Variants in GSE1 observed in about 807,000 individuals in gnomAD.
GSE1 encodes the protein Gse1 coiled-coil protein.
GSE1 carries 32 observed loss-of-function variants against 112.6 expected under a neutral mutation model. The ratio of observed to expected loss-of-function variants is 0.28; its 90% CI spans 0.21 to 0.38. The LOEUF is 0.38. GSE1 is among the 10% of genes least tolerant of loss of function. GSE1 has a pLI of 1.00. For missense variants in GSE1, 2,348 were observed against 1,699.2 expected (o/e 1.38, Z -6.71); for synonymous variants, 1,115 against 735.6 (o/e 1.52, Z -8.35).
chr16:85,384,472 C>G (rs193131968), intron 2 of GSE1, among the ~76,000 whole-genome samples: 3 of 152,340 alleles, frequency 2.0e-5, no homozygotes, highest in Admixed American at 6.5e-5. Context: ...AGCCCCAATC[C>G]CAGACCTTGC....
chr16:85,319,930 A>G (rs2046066736), intron 1 of GSE1, among the ~76,000 whole-genome samples: 1 of 152,208 alleles, frequency 6.6e-6, no homozygotes, highest in Admixed American at 6.5e-5. Context: ...GTCCATGGGT[A>G]AGCTTTCCCT....
At position 85,390,693 on chromosome 16, in the gene GSE1, C is replaced by T. The variant is rs1313438693; in HGVS notation, c.2464+33050C>T. On this transcript the variant is annotated intron_variant, in intron 2 of 2. Transcript: ENST00000637419. Reference sequence around the variant, plus strand: ...TACCCCCGCCTTGTCCCCCCCACCGCCTTGTTCTGCCCCCCCCACCCCTCC... The same window carrying T: ...TACCCCCGCCTTGTCCCCCCCACCGTCTTGTTCTGCCCCCCCCACCCCTCC... Among the ~76,000 whole-genome samples, 2 of 76,240 alleles carry T rather than the reference C, an allele frequency of 2.6e-5. 1 individual carries two copies. Among genetic ancestry groups the T allele is most frequent in the Admixed American group, 2.2e-4 (2 of 8,994 alleles). 50.0% of individuals were successfully genotyped at this position (76,240 alleles called of 152,430 possible).
intron 2 of GSE1, among the ~76,000 whole-genome samples, chr16:85,545,720 C>T (rs903855032): frequency 9.2e-5 from 14 of 152,148 alleles, no homozygotes; most frequent in South Asian, 2.1e-4. Context: ...AGTCAGCATC[C>T]GGAAAGGAGA....
At chr16:85,501,595 A>C (rs547385279) in intron 2 of GSE1, among the ~76,000 whole-genome samples, 1 of 151,344 alleles carries the variant, frequency 6.6e-6, no homozygotes, top group African/African-American at 2.4e-5. Context: ...AGGTTTCGCT[A>C]TGTTGCCCAG....
chr16:85,636,487 C>G (rs533634296), intron 2 of GSE1, among the ~76,000 whole-genome samples: 1 of 152,346 alleles, frequency 6.6e-6, no homozygotes, highest in East Asian at 1.9e-4. Flanking sequence ...CTCGTGACCT[C>G]AGCCACTCAG....
chr16:85,562,880 A>G (rs1011056819), intron 1 of GSE1, among the ~76,000 whole-genome samples: 1 of 152,224 alleles, frequency 6.6e-6, no homozygotes, highest in Admixed American at 6.5e-5. Context: ...TGGGGAGACT[A>G]GGGTGGTAGA....
intron 1 of GSE1, among the ~76,000 whole-genome samples, chr16:85,602,899 T>G (rs1391720493): frequency 6.6e-6 from 1 of 152,100 alleles, no homozygotes; most frequent in African/African-American, 2.4e-5. Flanking sequence ...AGGTCAGGGG[T>G]CTGGGACCGG....
intron 2 of GSE1, among the ~76,000 whole-genome samples, chr16:85,486,958 C>G (rs986792706): frequency 1.3e-5 from 2 of 152,126 alleles, no homozygotes; most frequent in African/African-American, 4.8e-5. Context: ...TTGTGCCTAG[C>G]CCTGTGCCCA....
At chr16:85,615,054 G>A (rs1293211628) in intron 1 of GSE1, among the ~76,000 whole-genome samples, 1 of 152,254 alleles carries the variant, frequency 6.6e-6, no homozygotes, top group Non-Finnish European at 1.5e-5. Context: ...GGCAGGGGTG[G>A]AAGGGGGAAC....
At chr16:85,536,585 A>G (rs1196816434) in intron 2 of GSE1, among the ~76,000 whole-genome samples, 1 of 152,200 alleles carries the variant, frequency 6.6e-6, no homozygotes, top group East Asian at 1.9e-4. Flanking sequence ...GTCGGGTGGC[A>G]GCTTCTTCAC....
intron 1 of GSE1, among the ~76,000 whole-genome samples, chr16:85,182,205 G>A (rs369634807): frequency 2.0e-5 from 3 of 152,224 alleles, no homozygotes; most frequent in South Asian, 4.1e-4. Context: ...GGGCTCCTGT[G>A]GGGGGAGGAG....
intron 2 of GSE1, among the ~76,000 whole-genome samples, chr16:85,376,589 A>C (rs1412920328): frequency 6.6e-6 from 1 of 152,182 alleles, no homozygotes; most frequent in Non-Finnish European, 1.5e-5. Flanking sequence ...ACAGGAACAC[A>C]GCCCTGGCTC....
chr16:85,219,958 A>C (rs1451728834), intron 1 of GSE1, among the ~76,000 whole-genome samples: 1 of 152,204 alleles, frequency 6.6e-6, no homozygotes, highest in Non-Finnish European at 1.5e-5. Flanking sequence ...GGGTGACCCC[A>C]GCCTGGAGGA....
rs1477917290 is a variant in GSE1 at position 85,419,447 on chromosome 16, CGAACAAAA to C, written c.2464+61806_2464+61813del. On this transcript the variant is annotated intron_variant, in intron 2 of 2. Coordinates refer to the GSE1 transcript ENST00000637419. This position sits in a 1 kb window ranked among gnomAD's most constrained non-coding sequence, Gnocchi z 6.5. ...GAGCAACATAGTGAGACCCTGTCTA[CGAACAAAA>C]GTTAGCCAGGCGTGGTGGTGCACAT... Among the ~76,000 whole-genome samples the C allele has an allele frequency of 6.6e-6, 1 of 151,584 alleles. No individual in the cohort carries two copies. The highest frequency in any genetic ancestry group is 1.5e-5 in the Non-Finnish European group (1 of 67,898).
At chr16:85,614,554 G>T (rs2048246470) in intron 1 of GSE1, among the ~76,000 whole-genome samples, 3 of 152,142 alleles carry the variant, frequency 2.0e-5, no homozygotes, top group Non-Finnish European at 4.4e-5. Context: ...TCATTAGATG[G>T]GGGAGTGGAG....
chr16:85,286,908 G>A (rs1235172415), intron 1 of GSE1, among the ~76,000 whole-genome samples: 2 of 152,224 alleles, frequency 1.3e-5, no homozygotes, highest in Non-Finnish European at 2.9e-5. Context: ...GGCTAGGGCC[G>A]GGTCGGAAGC....
intron 1 of GSE1, chr16:85,580,193 G>A (rs2046391545): frequency 6.6e-6 from 1 of 152,432 alleles, no homozygotes; most frequent in African/African-American, 2.4e-5. Context: ...GGACTATGTT[G>A]CTTGGAATGT....
intron 1 of GSE1, among the ~76,000 whole-genome samples, chr16:85,219,957 C>A (rs556685948): frequency 2.2e-4 from 33 of 152,314 alleles, no homozygotes; most frequent in South Asian, 6.2e-4. Flanking sequence ...AGGGTGACCC[C>A]AGCCTGGAGG....
chr16:85,335,830 C>T (rs778962094), intron 1 of GSE1, among the ~76,000 whole-genome samples: 21 of 147,294 alleles, frequency 1.4e-4, no homozygotes, highest in Non-Finnish European at 2.7e-4. Flanking sequence ...AGCAGCCGGG[C>T]GCGCTGGGAG....
Sources: gnomAD v4.1 joint callset for allele counts (sites outside exome capture counted in the v4.1 genomes callset) on GRCh38, gnomAD v4.1.1 for gene constraint, Gnocchi (gnomAD v3.1) non-coding constraint, MANE v1.5 for transcripts, NCBI Gene and HGNC (gene_info 2026-07-23, HGNC 2026-07-21) for gene names.